MTFR2: variants seen among roughly 807,000 people sequenced by gnomAD.
The protein encoded by MTFR2 is mitochondrial fission regulator 2.
A neutral mutation model predicts 41.2 loss-of-function variants in MTFR2; 44 were observed. The observed-to-expected ratio is 1.07, with a 90% CI of 0.84 to 1.37. The LOEUF is 1.37. Among genes scored for constraint, MTFR2 ranks in the 40% most tolerant of loss-of-function variants. The pLI is 0.00. For missense variants in MTFR2, 452 were observed against 459.5 expected, an observed-to-expected ratio of 0.98 and a Z score of 0.15; for synonymous variants, 141 against 154.6, an observed-to-expected ratio of 0.91 and a Z score of 0.65.
chr6:136,234,445 T>C (rs1293977710), intron 6 of MTFR2, among the ~76,000 whole-genome samples: 2 of 151,466 alleles, frequency 1.3e-5, no homozygotes, highest in Admixed American at 6.6e-5. Flanking sequence ...TGACAAGGGG[T>C]CAGTTTTAGT....
chr6:136,238,921 A>G (rs1779975771), intron 6 of MTFR2, among the ~76,000 whole-genome samples: 1 of 152,136 alleles, frequency 6.6e-6, no homozygotes, highest in Non-Finnish European at 1.5e-5. Context: ...TACAAAAATT[A>G]GCCAGGCATG....
At chr6:136,240,407 TATAA>T (rs1466294215) in intron 5 of MTFR2, among the ~76,000 whole-genome samples, 21 of 151,680 alleles carry the variant, frequency 1.4e-4, no homozygotes, top group East Asian at 1.4e-3. Context: ...ATGTAAATGT[TATAA>T]ATATACACTG....
chr6:136,233,302 A>T, intron 7 of MTFR2, 23 bp downstream of exon 7: 3 of 1,598,496 alleles, frequency 1.9e-6, no homozygotes, highest in Non-Finnish European at 2.6e-6. Context: ...CTGAAAAATT[A>T]ATTTTACATT....
At chr6:136,233,251 T>TG in intron 7 of MTFR2, 74 bp downstream of exon 7, 2 of 1,322,286 alleles carry the variant, frequency 1.5e-6, no homozygotes, top group Non-Finnish European at 2.1e-6. Context: ...CAAGAGAACT[T>TG]GAACACAAAG....
At chr6:136,245,897 A>G (rs1257297494) in intron 2 of MTFR2, among the ~76,000 whole-genome samples, 4 of 152,188 alleles carry the variant, frequency 2.6e-5, no homozygotes, top group Non-Finnish European at 4.4e-5. Flanking sequence ...GGTTACACCT[A>G]TAGAAGATCT....
In MTFR2 at chr6:136,231,669, TAAAAA is replaced by T. The variant is rs71006791; in HGVS notation, c.1045-286_1045-282del. 1.1e-4 allele frequency among the ~76,000 whole-genome samples: 9 copies of T among 82,942 alleles called. No individual in the cohort carries two copies. In the South Asian group the frequency reaches 1.8e-3, roughly 17 times the overall value. The allele number at this position is 82,942 out of a possible 152,430, so 54.4% of individuals were successfully genotyped here. On this transcript the variant is annotated intron_variant, in intron 7 of 7. Transcript: ENST00000420702. ...CTGAAATTAAGTGCTAAAAACTATG[TAAAAA>T]AAAAAAAAAAAAAAAAAAGAAGATT...
intron 2 of MTFR2, chr6:136,247,352 A>G: frequency 2.9e-6 from 1 of 345,650 alleles, no homozygotes; most frequent in South Asian, 2.3e-5. Flanking sequence ...TCCATCTTAA[A>G]AAAAAAAAAA....
intron 5 of MTFR2, 51 bp downstream of exon 5, chr6:136,241,393 G>C: frequency 2.8e-6 from 4 of 1,427,136 alleles, no homozygotes; most frequent in Non-Finnish European, 3.9e-6. Context: ...GTTGGTATAG[G>C]CTATACCATG....
chr6:136,244,933 A>G (rs1780176280), intron 2 of MTFR2, 64 bp from the exon 3 acceptor site: 7 of 1,247,484 alleles, frequency 5.6e-6, no homozygotes, highest in South Asian at 1.4e-5. Context: ...ATAAGTATGA[A>G]AAAAGGAGAT....
rs377307233 is a variant in MTFR2, at chr6:136,239,798, C to T, written c.537G>A (p.Glu179=). 2.5e-6 allele frequency: 4 copies of T among 1,608,878 alleles called. No homozygotes were observed. Among genetic ancestry groups the T allele is most frequent in the East Asian group, 2.2e-5 (1 of 44,752 alleles). ...ATGACAGCTGACCCAAACTAATGCGCTCGTCACTCAAGCCAAAGGAACCTA... is the reference window on the plus strand; with the variant it reads ...ATGACAGCTGACCCAAACTAATGCGTTCGTCACTCAAGCCAAAGGAACCTA... ...TNSSSFGLSD[E]RISLGQLSSS... Residue 179 remains glutamate (E), a synonymous_variant, in exon 6 of 8, where the codon GAG becomes GAA. Coordinates refer to ENST00000420702, the MANE Select transcript of MTFR2 (RefSeq NM_001099286.3).
intron 1 of MTFR2, 23 bp from the exon 2 acceptor site, chr6:136,249,176 T>C (rs1780296316): frequency 1.6e-6 from 2 of 1,222,364 alleles, no homozygotes; most frequent in Admixed American, 2.8e-5. Flanking sequence ...TTTTAGAAAA[T>C]GTTACTCTTG....
chr6:136,247,227 T>C (rs1780234214), intron 2 of MTFR2, among the ~76,000 whole-genome samples: 1 of 152,192 alleles, frequency 6.6e-6, no homozygotes, highest in Non-Finnish European at 1.5e-5. Flanking sequence ...GGCAGGCTCC[T>C]GTAATCCCAG....
chr6:136,239,877 T>C (rs771981572), intron 5 of MTFR2, 57 bp from the exon 6 acceptor site: 11 of 1,399,742 alleles, frequency 7.9e-6, no homozygotes, highest in Non-Finnish European at 1.1e-5. Flanking sequence ...ACGTAATATA[T>C]ATTAATAACA....
chr6:136,244,678 T>G, intron 3 of MTFR2, 87 bp downstream of exon 3: 1 of 890,648 alleles, frequency 1.1e-6, no homozygotes, highest in Non-Finnish European at 1.8e-6. Context: ...GAAATGTTTC[T>G]TCCTTTGTTG....
intron 2 of MTFR2, 85 bp from the exon 3 acceptor site, chr6:136,244,954 CAAAA>C (rs879606314): frequency 1.1e-6 from 1 of 935,296 alleles, no homozygotes; most frequent in African/African-American, 8.9e-5. Context: ...GTAAAAAAGA[CAAAA>C]AAGACGCAGT....
chr6:136,236,484 A>G (rs1779908850), intron 6 of MTFR2, among the ~76,000 whole-genome samples: 1 of 152,168 alleles, frequency 6.6e-6, no homozygotes, highest in African/African-American at 2.4e-5. Context: ...GAATAGGGGG[A>G]CAGGAGGCAG....
At chr6:136,234,150 A>C (rs2128456905) in intron 6 of MTFR2, among the ~76,000 whole-genome samples, 1 of 151,972 alleles carries the variant, frequency 6.6e-6, no homozygotes, top group East Asian at 1.9e-4. Flanking sequence ...TGGGTAACAT[A>C]GCGAGACCCC....
chr6:136,249,934 C>A (rs747072889), intron 1 of MTFR2, 42 bp downstream of exon 1: 1 of 152,180 alleles, frequency 6.6e-6, no homozygotes, highest in Non-Finnish European at 1.5e-5. Flanking sequence ...TGGTCACAAG[C>A]TTCCTGGTGC....
At chr6:136,248,632 G>C (rs1780282295) in intron 2 of MTFR2, 1 of 182,652 alleles carries the variant, frequency 5.5e-6, no homozygotes, top group Non-Finnish European at 1.1e-5. Flanking sequence ...AGCAGCATGA[G>C]AACAGACTAA....
Sources: allele counts gnomAD v4.1 joint callset (sites outside exome capture counted in the v4.1 genomes callset), GRCh38; gene constraint gnomAD v4.1.1; transcripts MANE v1.5; gene names NCBI Gene and HGNC (gene_info 2026-07-23, HGNC 2026-07-21).